Variants in PEDS1 observed in about 807,000 individuals in gnomAD.
The protein encoded by PEDS1 is plasmanylethanolamine desaturase 1, also known as CarF homolog.
In PEDS1, 14 loss-of-function variants were observed where a neutral mutation model predicts 35.2. That is an observed-to-expected ratio of 0.40 (90% CI 0.26 to 0.62). The LOEUF (loss-of-function observed/expected upper bound fraction) is 0.62. PEDS1 is among the 20% of genes least tolerant of loss of function. The pLI is 0.44. For missense variants in PEDS1, 260 were observed against 367.8 expected (o/e 0.71, Z 2.40); for synonymous variants, 152 against 152.0 (o/e 1.00, Z 0.00).
chr20:50,151,099 T>C, intron 1 of PEDS1: 1 of 475,136 alleles, frequency 2.1e-6, no homozygotes, highest in Non-Finnish European at 3.6e-6. Flanking sequence ...TCTCACTTTT[T>C]CAGGCCCAGA....
In PEDS1 at chr20:50,124,924, C is replaced by G. The variant is rs2081083379; in HGVS notation, c.*134G>C. ...AGTATTCTGTGTCATGAGGGGTGGG[C>G]TGGGGTACCTGGGCCCAGCCCAGGA... On this transcript the variant is annotated 3_prime_UTR_variant, in exon 6 of 6. Coordinates refer to ENST00000371652, the MANE Select transcript of PEDS1 (RefSeq NM_199129.4). The G allele has an allele frequency of 3.3e-6, 4 of 1,206,644 alleles. No individual in the cohort carries two copies. The South Asian group carries it at 5.8e-5, about 18-fold the overall frequency. The allele number at this position is 1,206,644 out of a possible 1,614,324, so 74.7% of individuals were successfully genotyped here.
intron 2 of PEDS1, among the ~76,000 whole-genome samples, chr20:50,134,770 A>G (rs1208910491): frequency 1.3e-5 from 2 of 152,264 alleles, no homozygotes; most frequent in African/African-American, 2.4e-5. Context: ...AGTAAAGGCC[A>G]TAGGCCTTAC....
chr20:50,136,756 G>T (rs562038682), intron 2 of PEDS1, among the ~76,000 whole-genome samples: 1 of 149,174 alleles, frequency 6.7e-6, no homozygotes, highest in African/African-American at 2.5e-5. Flanking sequence ...GGGGAGGAAG[G>T]CTGGGCGCAT....
At chr20:50,140,666 C>A (rs1424677669) in intron 2 of PEDS1, among the ~76,000 whole-genome samples, 3 of 152,308 alleles carry the variant, frequency 2.0e-5, no homozygotes, top group African/African-American at 7.2e-5. Context: ...CGCCTACCCG[C>A]TTAGCTTGAT....
Position 50,151,168 on chromosome 20 carries a change from G to A in PEDS1, c.121+2349C>T, listed in dbSNP as rs550580140. 7.1e-6 allele frequency: 8 copies of A among 1,122,708 alleles called. No homozygotes were observed. In the East Asian group the frequency reaches 1.7e-4, roughly 25 times the overall value. The allele number at this position is 1,122,708 out of a possible 1,614,324, so 69.5% of individuals were successfully genotyped here. On this transcript the variant is annotated intron_variant, in intron 1 of 5. Transcript: ENST00000371652. The stretch of plus-strand genomic sequence containing the variant: ...GCAGATAGAAGCAGAGAGGCCAGTG[G>A]AAAGGAAGTTGGAGAAACCAGTTTG...
chr20:50,146,406 A>G (rs2081346042), intron 1 of PEDS1, among the ~76,000 whole-genome samples: 1 of 152,176 alleles, frequency 6.6e-6, no homozygotes, highest in South Asian at 2.1e-4. Flanking sequence ...TGTCTGGCTC[A>G]CTCACCAGGG....
At chr20:50,151,265 T>A in intron 1 of PEDS1, 8 of 1,304,346 alleles carry the variant, frequency 6.1e-6, no homozygotes, top group Non-Finnish European at 8.1e-6. Context: ...GGCACCAGGC[T>A]GTCTGCAGAC....
rs2081318472 is a variant in PEDS1, at chr20:50,143,697, TTTTC to T, written c.122-80_122-77del. On this transcript the variant is annotated intron_variant, in intron 1 of 5. Transcript: ENST00000371652. ...GAGTGTGGCCCCATGGGAACTTTTC[TTTTC>T]TTTTTTTTTTTTCTGAGACAGAGTC... 4.2e-5 allele frequency: 65 copies of T among 1,530,520 alleles called. No individual in the cohort carries two copies. The South Asian group carries it at 4.9e-4, about 12-fold the overall frequency. 94.8% of individuals were successfully genotyped at this position (1,530,520 alleles called of 1,614,324 possible). A position where few individuals can be genotyped will look rare whatever the true frequency, so the allele number is the denominator to read the frequency against.
At chr20:50,149,860 C>A (rs2081384638) in intron 1 of PEDS1, among the ~76,000 whole-genome samples, 1 of 152,202 alleles carries the variant, frequency 6.6e-6, no homozygotes, top group South Asian at 2.1e-4. Context: ...CGGCCCAGTC[C>A]CGGGTTCCAG....
chr20:50,143,667 A>C, intron 1 of PEDS1, 46 bp from the exon 2 acceptor site: 1 of 1,606,490 alleles, frequency 6.2e-7, no homozygotes, highest in Non-Finnish European at 8.5e-7. Flanking sequence ...GGTCAAGGCC[A>C]GGCAGAGTGT....
At chr20:50,135,725 C>T (rs2081227870) in intron 2 of PEDS1, among the ~76,000 whole-genome samples, 2 of 150,774 alleles carry the variant, frequency 1.3e-5, no homozygotes, top group African/African-American at 4.9e-5. Flanking sequence ...CCACTAAGCT[C>T]CCTTCTGACC....
Position 50,124,995 on chromosome 20 carries a change from T to G in PEDS1, c.*63A>C. 1 of 1,598,508 alleles carries G rather than the reference T, an allele frequency of 6.3e-7. No homozygotes were observed. The highest frequency in any genetic ancestry group is 2.2e-5 in the East Asian group (1 of 44,566). ...GGGCCAGCTCAAAGAGGCTGGAATTTGGCAGATGGCTTCGGTTTGGGGGCT... is the reference window on the plus strand; with the variant it reads ...GGGCCAGCTCAAAGAGGCTGGAATTGGGCAGATGGCTTCGGTTTGGGGGCT... On this transcript the variant is annotated 3_prime_UTR_variant, in exon 6 of 6. Coordinates refer to ENST00000371652, the MANE Select transcript of PEDS1 (RefSeq NM_199129.4).
Position 50,124,895 on chromosome 20 carries a change from C to G in PEDS1, c.*163G>C. ...AAAAAAAGAAATGAAAAATCAGTGG[C>G]TCAAGTATTCTGTGTCATGAGGGGT... On this transcript the variant is annotated 3_prime_UTR_variant, in exon 6 of 6. Transcript: ENST00000371652. 1.2e-6 allele frequency: 1 copy of G among 865,212 alleles called. No individual in the cohort carries two copies. Among genetic ancestry groups the G allele is most frequent in the East Asian group, 2.6e-5 (1 of 37,900 alleles). 53.6% of individuals were successfully genotyped at this position (865,212 alleles called of 1,614,324 possible).
chr20:50,146,311 C>A (rs543955988), intron 1 of PEDS1, among the ~76,000 whole-genome samples: 2 of 152,134 alleles, frequency 1.3e-5, no homozygotes, highest in Non-Finnish European at 2.9e-5. Context: ...ACACTCCCCC[C>A]ACACGAGGCC....
intron 1 of PEDS1, among the ~76,000 whole-genome samples, chr20:50,145,537 A>T (rs2081336691): frequency 6.6e-6 from 1 of 152,168 alleles, no homozygotes; most frequent in African/African-American, 2.4e-5. Context: ...TCTACTAAAA[A>T]TACAAAAACT....
Position 50,124,692 on chromosome 20 carries a change from G to T in PEDS1, c.*366C>A. The T allele has an allele frequency of 4.6e-6, 1 of 216,612 alleles. No homozygotes were observed. The highest frequency in any genetic ancestry group is 9.6e-6 in the Non-Finnish European group (1 of 104,518). 13.4% of individuals were successfully genotyped at this position (216,612 alleles called of 1,614,324 possible). A position where few individuals can be genotyped will look rare whatever the true frequency, so the allele number is the denominator to read the frequency against. ...TCCCCAGACCACTGGGGCCAGACAA[G>T]GAGGGAAAGAGGCAACTCACTGGCC... On this transcript the variant is annotated 3_prime_UTR_variant, in exon 6 of 6. Coordinates refer to ENST00000371652, the MANE Select transcript of PEDS1 (RefSeq NM_199129.4).
intron 2 of PEDS1, among the ~76,000 whole-genome samples, chr20:50,137,677 C>G (rs1284765919): frequency 6.6e-6 from 1 of 152,176 alleles, no homozygotes; most frequent in Non-Finnish European, 1.5e-5. Flanking sequence ...TTGAGACCAT[C>G]CTGGCCAACA....
rs2081071040 is a variant in PEDS1 at position 50,123,756 on chromosome 20, A to C, written c.*1302T>G. On this transcript the variant is annotated 3_prime_UTR_variant, in exon 6 of 6. Transcript: ENST00000371652. Reference sequence around the variant, plus strand: ...TCTGTCCTGTTTGATTTTCTTCACAAATCACCACCTGAATTTCCATGTGCA... The same window carrying C: ...TCTGTCCTGTTTGATTTTCTTCACACATCACCACCTGAATTTCCATGTGCA... The C allele has an allele frequency of 6.6e-6, 1 of 152,082 alleles. No homozygotes were observed. The highest frequency in any genetic ancestry group is 1.5e-5 in the Non-Finnish European group (1 of 68,020). The allele number at this position is 152,082 out of a possible 1,614,324, so 9.4% of individuals were successfully genotyped here. A position where few individuals can be genotyped will look rare whatever the true frequency, so the allele number is the denominator to read the frequency against.
In PEDS1 at chr20:50,125,115, G is replaced by A. The variant is rs548954586; in HGVS notation, c.756C>T (p.Gly252=). 1 of 1,614,180 alleles carries A rather than the reference G, an allele frequency of 6.2e-7. No homozygotes were observed. The highest frequency in any genetic ancestry group is 1.7e-5 in the Admixed American group (1 of 60,032). Residue 252 remains glycine, a synonymous_variant, in exon 6 of 6, where the codon GGC becomes GGT. Transcript: ENST00000371652. The part of the protein sequence containing the change: ...FWRRLEDLIQ[G]LTGEKPRADD... The stretch of plus-strand genomic sequence containing the variant: ...CTGCCCGAGGCTTCTCGCCCGTCAG[G>A]CCCTGGATGAGGTCCTCCAGGCGTC...
Sources: allele counts gnomAD v4.1 joint callset (sites outside exome capture counted in the v4.1 genomes callset), GRCh38; gene constraint gnomAD v4.1.1; transcripts MANE v1.5; gene names NCBI Gene and HGNC (gene_info 2026-07-23, HGNC 2026-07-21).